Variants in B4GALT5 observed in about 807,000 individuals in gnomAD.
B4GALT5 encodes the protein UDP-Gal:beta-GlcNAc beta-1,4-galactosyltransferase 5.
In B4GALT5, 11 loss-of-function variants were observed where a neutral mutation model predicts 45.0. That is an observed-to-expected ratio of 0.24 (90% confidence interval 0.15 to 0.40). The LOEUF (loss-of-function observed/expected upper bound fraction) is 0.40. Among genes scored for constraint, B4GALT5 ranks in the 10% least tolerant of loss-of-function variants. B4GALT5 has a pLI of 1.00. For synonymous variants in B4GALT5, 185 were observed against 182.9 expected, an observed-to-expected ratio of 1.01 and a Z score of -0.09; for missense variants, 337 against 500.2, an observed-to-expected ratio of 0.67 and a Z score of 3.11.
Position 49,705,709 on chromosome 20 carries a change from T to G in B4GALT5, c.115+7867A>C, listed in dbSNP as rs568214134. ...TTCAATTCACACATGCTCAGAATCA[T>G]GAAACTTCAGATCTGAAAGGGACCC... On this transcript the variant is annotated intron_variant, in intron 1 of 8. Transcript: ENST00000371711. Among the ~76,000 whole-genome samples the G allele has an allele frequency of 1.4e-4, 22 of 152,234 alleles. No individual in the cohort carries two copies. In the South Asian group the frequency reaches 4.6e-3, roughly 32 times the overall value.
intron 1 of B4GALT5, among the ~76,000 whole-genome samples, chr20:49,665,855 C>A (rs547134437): frequency 4.6e-5 from 7 of 151,488 alleles, no homozygotes; most frequent in Non-Finnish European, 1.0e-4. Flanking sequence ...AAACAAAGAG[C>A]CATCCAGGGG....
chr20:49,651,798 G>A (rs2085623937), intron 2 of B4GALT5, among the ~76,000 whole-genome samples: 1 of 152,156 alleles, frequency 6.6e-6, no homozygotes, highest in South Asian at 2.1e-4. Context: ...CTAACACCAG[G>A]CCGGGTGTGG....
chr20:49,647,238 T>C (rs753909825), intron 2 of B4GALT5, among the ~76,000 whole-genome samples, 160 bp from the exon 3 acceptor site: 19 of 152,174 alleles, frequency 1.2e-4, no homozygotes, highest in Non-Finnish European at 2.6e-4. Flanking sequence ...TGTGAACCCA[T>C]CAATAAAAAT....
At chr20:49,649,398 C>T (rs1317331255) in intron 2 of B4GALT5, among the ~76,000 whole-genome samples, 2 of 152,036 alleles carry the variant, frequency 1.3e-5, no homozygotes, top group African/African-American at 4.8e-5. Flanking sequence ...AGGAAACATG[C>T]TGAGAACCTG....
intron 1 of B4GALT5, among the ~76,000 whole-genome samples, chr20:49,684,288 C>T (rs920906661): frequency 1.4e-4 from 21 of 151,998 alleles, no homozygotes; most frequent in Admixed American, 2.6e-4. Context: ...GTTGGCTGGG[C>T]GCGGTGGCTC....
rs531447231 is a variant in B4GALT5 at position 49,677,987 on chromosome 20, A to G, written c.116-21285T>C. On this transcript the variant is annotated intron_variant, in intron 1 of 8. Transcript: ENST00000371711. ...GGTCTCGAACCCCTGACCTCAGGTG[A>G]TCTGCCCGCCTCAGCCTCCCCAAGT... 1.1e-4 allele frequency among the ~76,000 whole-genome samples: 16 copies of G among 152,358 alleles called. No homozygotes were observed. In the South Asian group the frequency reaches 1.7e-3, roughly 16 times the overall value.
chr20:49,639,575 T>C (rs2085567320), intron 7 of B4GALT5, 103 bp downstream of exon 7: 1 of 1,484,540 alleles, frequency 6.7e-7, no homozygotes, highest in Non-Finnish European at 9.1e-7. Context: ...TACTAGAACA[T>C]GTTAAATTAC....
intron 2 of B4GALT5, 141 bp downstream of exon 2, chr20:49,656,427 G>C (rs2085643203): frequency 9.6e-7 from 1 of 1,042,822 alleles, no homozygotes; most frequent in Non-Finnish European, 1.4e-6. Flanking sequence ...TTTGGCAAGA[G>C]CTTTTTTAGC....
intron 1 of B4GALT5, among the ~76,000 whole-genome samples, chr20:49,713,317 C>CAG (rs946037074): frequency 8.8e-5 from 13 of 147,962 alleles, no homozygotes; most frequent in Admixed American, 8.8e-4. Context: ...CGTGAAGGTA[C>CAG]AGTCGGGTTC....
chr20:49,683,664 G>A (rs909659529), intron 1 of B4GALT5, among the ~76,000 whole-genome samples: 2 of 151,588 alleles, frequency 1.3e-5, no homozygotes, highest in African/African-American at 4.8e-5. Context: ...GCCCACCTCG[G>A]CCTCCCGAAT....
At chr20:49,669,519 A>C (rs2085706483) in intron 1 of B4GALT5, among the ~76,000 whole-genome samples, 1 of 152,030 alleles carries the variant, frequency 6.6e-6, no homozygotes, top group Non-Finnish European at 1.5e-5. Flanking sequence ...CAACATGGAG[A>C]AACACCGTCT....
At chr20:49,654,221 A>T (rs2085633023) in intron 2 of B4GALT5, among the ~76,000 whole-genome samples, 1 of 152,212 alleles carries the variant, frequency 6.6e-6, no homozygotes, top group Non-Finnish European at 1.5e-5. Context: ...TTAGGGAAAG[A>T]GTCACATGAT....
Position 49,688,084 on chromosome 20 carries a change from C to T in B4GALT5, c.115+25492G>A, listed in dbSNP as rs1244501269. ...ACAGAAAAGCAGCCTGGGAACATGA[C>T]CAGAGCCACTATTCACAGGCAGAGA... On this transcript the variant is annotated intron_variant, in intron 1 of 8. Transcript: ENST00000371711. Among the ~76,000 whole-genome samples the T allele has an allele frequency of 2.0e-5, 3 of 152,152 alleles. 1 individual carries two copies. The East Asian group carries it at 5.8e-4, about 29-fold the overall frequency.
intron 3 of B4GALT5, among the ~76,000 whole-genome samples, chr20:49,646,184 G>C (rs569100998): frequency 6.6e-6 from 1 of 152,278 alleles, no homozygotes; most frequent in East Asian, 1.9e-4. Flanking sequence ...TTAGAAAGTA[G>C]AAAGGTATAA....
intron 1 of B4GALT5, among the ~76,000 whole-genome samples, chr20:49,698,384 C>T (rs536275669): frequency 8.6e-5 from 13 of 152,010 alleles, no homozygotes; most frequent in Non-Finnish European, 1.6e-4. Context: ...AAGGAAAAAA[C>T]TGCTTTGAAC....
At chr20:49,696,217 A>C (rs373185176) in intron 1 of B4GALT5, among the ~76,000 whole-genome samples, 1 of 152,238 alleles carries the variant, frequency 6.6e-6, no homozygotes, top group East Asian at 1.9e-4. Flanking sequence ...AAAAATAACA[A>C]TCTAGAGAAA....
intron 7 of B4GALT5, among the ~76,000 whole-genome samples, chr20:49,638,100 CCTCAATCTCCCAGG>C (rs1172026344): frequency 1.3e-5 from 2 of 151,884 alleles, no homozygotes; most frequent in African/African-American, 4.8e-5. Flanking sequence ...TTCAGTGCAG[CCTCAATCTCCCAGG>C]CTCAATTAGT....
At chr20:49,700,026 T>C (rs747495452) in intron 1 of B4GALT5, among the ~76,000 whole-genome samples, 10 of 152,070 alleles carry the variant, frequency 6.6e-5, no homozygotes, top group Non-Finnish European at 1.0e-4. Context: ...GCCCGCCACA[T>C]GTGAATAGCT....
At chr20:49,638,616 G>C (rs1248523129) in intron 7 of B4GALT5, among the ~76,000 whole-genome samples, 1 of 152,044 alleles carries the variant, frequency 6.6e-6, no homozygotes, top group Non-Finnish European at 1.5e-5. Flanking sequence ...ATTTAGTACA[G>C]AGAACACTGG....
Sources: allele counts gnomAD v4.1 joint callset (sites outside exome capture counted in the v4.1 genomes callset), GRCh38; gene constraint gnomAD v4.1.1; transcripts MANE v1.5; gene names NCBI Gene and HGNC (gene_info 2026-07-23, HGNC 2026-07-21).